Variants in SIMC1 observed in about 807,000 individuals in gnomAD.
SIMC1 encodes SUMO interacting motifs containing 1, also known as SUMO-interacting motif-containing protein 1.
SIMC1 carries 55 observed loss-of-function variants against 82.3 expected under a neutral mutation model. The observed-to-expected ratio is 0.67, with a 90% CI of 0.54 to 0.84. The LOEUF (loss-of-function observed/expected upper bound fraction) is 0.84. Among genes scored for constraint, SIMC1 ranks in the 40% least tolerant of loss-of-function variants. The pLI is 0.00. For synonymous variants in SIMC1, 353 were observed against 426.3 expected, an observed-to-expected ratio of 0.83 and a Z score of 2.12; for missense variants, 915 against 1,107.2, an observed-to-expected ratio of 0.83 and a Z score of 2.46.
chr5:176,325,862 G>T (rs1765373001), intron 7 of SIMC1, among the ~76,000 whole-genome samples: 1 of 152,096 alleles, frequency 6.6e-6, no homozygotes, highest in Non-Finnish European at 1.5e-5. Context: ...AACTAGAGGT[G>T]ACACAAGAAT....
At chr5:176,245,988 C>G (rs1169095205) in intron 1 of SIMC1, among the ~76,000 whole-genome samples, 4 of 151,762 alleles carry the variant, frequency 2.6e-5, no homozygotes, top group Non-Finnish European at 5.9e-5. Flanking sequence ...CCCTTCATGG[C>G]CTTCCCTAGC....
intron 5 of SIMC1, among the ~76,000 whole-genome samples, chr5:176,321,030 C>T (rs566688149): frequency 6.6e-6 from 1 of 152,182 alleles, no homozygotes; most frequent in African/African-American, 2.4e-5. Context: ...GCAACATAGC[C>T]AGAACCCATC....
intron 7 of SIMC1, among the ~76,000 whole-genome samples, chr5:176,327,042 A>G (rs1342090661): frequency 2.0e-5 from 3 of 152,200 alleles, no homozygotes; most frequent in East Asian, 1.9e-4. Context: ...AGTGCACATG[A>G]ATACCATGCT....
chr5:176,334,457 C>T (rs1054102361), intron 7 of SIMC1, among the ~76,000 whole-genome samples: 2 of 152,138 alleles, frequency 1.3e-5, no homozygotes, highest in Admixed American at 6.6e-5. Flanking sequence ...TGAGATCTCT[C>T]CACACTGACT....
At chr5:176,255,289 G>A (rs1163410659) in intron 1 of SIMC1, among the ~76,000 whole-genome samples, 2 of 149,942 alleles carry the variant, frequency 1.3e-5, no homozygotes, top group East Asian at 2.0e-4. Context: ...TCATAAAAAC[G>A]TTATCTTCAA....
chr5:176,341,437 G>C (rs770451269), intron 9 of SIMC1, among the ~76,000 whole-genome samples: 1 of 152,240 alleles, frequency 6.6e-6, no homozygotes, highest in Non-Finnish European at 1.5e-5. Flanking sequence ...AAAGTGGTTG[G>C]TTCCAAGTAA....
intron 1 of SIMC1, among the ~76,000 whole-genome samples, chr5:176,277,920 T>G (rs1474938093): frequency 7.3e-6 from 1 of 137,374 alleles, no homozygotes; most frequent in Non-Finnish European, 1.6e-5. Context: ...TAGGATTGAC[T>G]TGGCGATGTG....
At chr5:176,340,503 TTCTGAGGC>T (rs1352249852) in intron 9 of SIMC1, among the ~76,000 whole-genome samples, 1 of 152,228 alleles carries the variant, frequency 6.6e-6, no homozygotes, top group African/African-American at 2.4e-5. Context: ...GTCACAGTCA[TTCTGAGGC>T]CAGTCACACA....
chr5:176,304,014 C>A (rs570965442), intron 4 of SIMC1, among the ~76,000 whole-genome samples: 2 of 152,284 alleles, frequency 1.3e-5, no homozygotes, highest in South Asian at 4.1e-4. Flanking sequence ...TTGAATATTA[C>A]ACCATAAACA....
intron 1 of SIMC1, among the ~76,000 whole-genome samples, chr5:176,282,872 T>C (rs1763077658): frequency 6.6e-6 from 1 of 152,160 alleles, no homozygotes; most frequent in Non-Finnish European, 1.5e-5. Flanking sequence ...AACTACGTGA[T>C]GCATGCACAA....
At chr5:176,257,468 G>A (rs1761883803) in intron 1 of SIMC1, among the ~76,000 whole-genome samples, 1 of 152,194 alleles carries the variant, frequency 6.6e-6, no homozygotes, top group African/African-American at 2.4e-5. Flanking sequence ...GGAAGGCACA[G>A]TGGGAGCTGG....
intron 1 of SIMC1, among the ~76,000 whole-genome samples, chr5:176,275,529 G>A (rs962921254): frequency 6.6e-6 from 1 of 151,972 alleles, no homozygotes; most frequent in Non-Finnish European, 1.5e-5. Context: ...AGTGGTGAGA[G>A]AGGGCATCCC....
At chr5:176,304,941 T>G (rs1381475512) in intron 4 of SIMC1, among the ~76,000 whole-genome samples, 1 of 107,630 alleles carries the variant, frequency 9.3e-6, no homozygotes. Flanking sequence ...GAGGAGACCC[T>G]CTGCCTGGCA....
intron 1 of SIMC1, among the ~76,000 whole-genome samples, chr5:176,287,712 A>G (rs184017626): frequency 6.6e-6 from 1 of 151,874 alleles, no homozygotes; most frequent in Non-Finnish European, 1.5e-5. Flanking sequence ...AGAATAAAAA[A>G]AGAAAAAAAA....
chr5:176,304,352 C>G (rs982918691), intron 4 of SIMC1: 1 of 161,988 alleles, frequency 6.2e-6, no homozygotes, highest in African/African-American at 2.4e-5. Flanking sequence ...CACGCGCCAC[C>G]ACGCCTGACT....
chr5:176,250,863 T>C (rs913051996), intron 1 of SIMC1, among the ~76,000 whole-genome samples: 3 of 152,188 alleles, frequency 2.0e-5, no homozygotes, highest in African/African-American at 7.2e-5. Context: ...TGTCTTTGCA[T>C]TAGATGGGTC....
intron 9 of SIMC1, among the ~76,000 whole-genome samples, chr5:176,338,783 T>A (rs1203730193): frequency 8.1e-6 from 1 of 123,008 alleles, no homozygotes; most frequent in Non-Finnish European, 1.8e-5. Context: ...GAGAAAGCTG[T>A]TGTAGAGACT....
intron 1 of SIMC1, among the ~76,000 whole-genome samples, chr5:176,288,918 G>A (rs200662683): frequency 2.6e-4 from 40 of 152,204 alleles, no homozygotes; most frequent in Non-Finnish European, 5.0e-4. Context: ...AGCCTGATCA[G>A]TTTGCCAAGG....
intron 7 of SIMC1, among the ~76,000 whole-genome samples, chr5:176,328,101 T>C (rs1765470540): frequency 6.6e-6 from 1 of 152,156 alleles, no homozygotes; most frequent in East Asian, 1.9e-4. Context: ...AAAAGAAAGA[T>C]AAGTTGGCCA....
Sources: allele counts gnomAD v4.1 joint callset (sites outside exome capture counted in the v4.1 genomes callset), GRCh38; gene constraint gnomAD v4.1.1; transcripts MANE v1.5; gene names NCBI Gene and HGNC (gene_info 2026-07-23, HGNC 2026-07-21).